The following GRIK4 variants were observed in gnomAD, a reference collection of about 807,000 sequenced individuals.
GRIK4 encodes the protein glutamate receptor ionotropic, kainate 4.
GRIK4 carries 40 observed loss-of-function variants against 104.9 expected under a neutral mutation model. The observed-to-expected ratio is 0.38, with a 90% CI of 0.30 to 0.50. The LOEUF (loss-of-function observed/expected upper bound fraction) is 0.50, where lower values mean the gene tolerates loss of function less well. Among genes scored for constraint, GRIK4 ranks in the 20% least tolerant of loss-of-function variants. The pLI is 0.93. For missense variants in GRIK4, 1,047 were observed against 1,308.1 expected, an observed-to-expected ratio of 0.80 and a Z score of 3.08; for synonymous variants, 485 against 524.9, an observed-to-expected ratio of 0.92 and a Z score of 1.04.
Position 120,967,667 on chromosome 11 carries a change from G to A in GRIK4, c.2395+344G>A, listed in dbSNP as rs192253902. On this transcript the variant is annotated intron_variant, in intron 19 of 20. Coordinates refer to ENST00000527524, the MANE Select transcript of GRIK4 (RefSeq NM_014619.5). The surrounding 1 kb of genome is among the most constrained non-coding windows in gnomAD (Gnocchi z 4.2). ...CCTGGTTTCAGTTTCCCATTCTTGC[G>A]TCTCTACAGTATATTCTCCGCTACT... is the stretch of plus-strand genomic sequence containing the variant. 1.2e-3 allele frequency among the ~76,000 whole-genome samples: 184 copies of A among 152,220 alleles called. No homozygotes were observed. Among genetic ancestry groups the A allele is most frequent in the African/African-American group, 4.0e-3 (168 of 41,528 alleles).
At chr11:120,558,507 G>A (rs1249114601) in intron 1 of GRIK4, among the ~76,000 whole-genome samples, 3 of 152,206 alleles carry the variant, frequency 2.0e-5, no homozygotes, top group African/African-American at 7.2e-5. Context: ...AGAATCGCTT[G>A]AACCCAGGAT....
chr11:120,845,893 G>T (rs1953840559), intron 8 of GRIK4, among the ~76,000 whole-genome samples: 1 of 152,206 alleles, frequency 6.6e-6, no homozygotes. Flanking sequence ...AAAGCTCCTT[G>T]TGTGTCAGTC....
At chr11:120,636,009 G>A (rs1949392450) in intron 1 of GRIK4, among the ~76,000 whole-genome samples, 1 of 152,210 alleles carries the variant, frequency 6.6e-6, no homozygotes, top group South Asian at 2.1e-4. Flanking sequence ...AACTCTGTGA[G>A]CGTGGACTTC....
At chr11:120,583,024 T>G (rs1356343000) in intron 1 of GRIK4, among the ~76,000 whole-genome samples, 3 of 152,232 alleles carry the variant, frequency 2.0e-5, no homozygotes, top group African/African-American at 7.2e-5. Flanking sequence ...CATCTGTTAT[T>G]TTTTTACTTT....
intron 6 of GRIK4, among the ~76,000 whole-genome samples, chr11:120,820,361 A>G (rs1953084217): frequency 6.6e-6 from 1 of 152,216 alleles, no homozygotes; most frequent in Admixed American, 6.5e-5. Flanking sequence ...TTTGTACTTG[A>G]TGGGTTGAAG....
intron 1 of GRIK4, among the ~76,000 whole-genome samples, chr11:120,548,852 A>C (rs573160648): frequency 6.6e-6 from 1 of 152,302 alleles, no homozygotes; most frequent in South Asian, 2.1e-4. Context: ...CCGAATCTGC[A>C]GGGTAGAGAG....
At chr11:120,831,427 A>G (rs1448234816) in intron 6 of GRIK4, among the ~76,000 whole-genome samples, 1 of 152,186 alleles carries the variant, frequency 6.6e-6, no homozygotes, top group Non-Finnish European at 1.5e-5. Context: ...GAGGAAACTG[A>G]GGCCAAGACA....
At chr11:120,616,648 G>T (rs1244086628) in intron 1 of GRIK4, among the ~76,000 whole-genome samples, 1 of 152,226 alleles carries the variant, frequency 6.6e-6, no homozygotes, top group Non-Finnish European at 1.5e-5. Flanking sequence ...AGATGGTCAT[G>T]CACAAGGCAC....
chr11:120,709,068 C>T (rs983401030), intron 3 of GRIK4, among the ~76,000 whole-genome samples: 5 of 152,072 alleles, frequency 3.3e-5, no homozygotes, highest in Non-Finnish European at 5.9e-5. Flanking sequence ...GTCAGGAGTC[C>T]GGAGTCCTTT....
chr11:120,943,249 G>T (rs1943773144), intron 14 of GRIK4, among the ~76,000 whole-genome samples: 1 of 151,894 alleles, frequency 6.6e-6, no homozygotes, highest in Admixed American at 6.6e-5. Context: ...GATAACAGGG[G>T]GCCAAGCAAG....
chr11:120,652,713 A>T (rs1310360869), intron 1 of GRIK4, among the ~76,000 whole-genome samples: 2 of 151,774 alleles, frequency 1.3e-5, no homozygotes, highest in Non-Finnish European at 2.9e-5. Flanking sequence ...GATCCCCTCT[A>T]CCCTTCCTGC....
At chr11:120,647,892 G>A (rs933720487) in intron 1 of GRIK4, among the ~76,000 whole-genome samples, 7 of 152,234 alleles carry the variant, frequency 4.6e-5, no homozygotes, top group South Asian at 4.1e-4. Flanking sequence ...CCCGGTGGCC[G>A]CCAGTGCCCA....
At chr11:120,520,284 C>T (rs1231790323) in intron 1 of GRIK4, among the ~76,000 whole-genome samples, 1 of 152,240 alleles carries the variant, frequency 6.6e-6, no homozygotes, top group Non-Finnish European at 1.5e-5. Flanking sequence ...AAGCCCCAGT[C>T]CCAGCCCGTC....
At chr11:120,862,361 C>A in intron 9 of GRIK4, 1 of 414,724 alleles carries the variant, frequency 2.4e-6, no homozygotes, top group Non-Finnish European at 4.3e-6. Context: ...TTAGTGATGG[C>A]TGCAAGTCCC....
At chr11:120,615,868 C>G (rs760015372) in intron 1 of GRIK4, among the ~76,000 whole-genome samples, 1 of 151,904 alleles carries the variant, frequency 6.6e-6, no homozygotes, top group Non-Finnish European at 1.5e-5. Context: ...CCCTACTTCT[C>G]TTCTCTGGGC....
intron 14 of GRIK4, among the ~76,000 whole-genome samples, chr11:120,946,027 T>C (rs1208869700): frequency 6.6e-6 from 1 of 152,244 alleles, no homozygotes; most frequent in Non-Finnish European, 1.5e-5. Context: ...TAGTATTTGG[T>C]ATAGCAGTAT....
chr11:120,647,244 G>A (rs2135211198), intron 1 of GRIK4, among the ~76,000 whole-genome samples: 1 of 152,284 alleles, frequency 6.6e-6, no homozygotes, highest in African/African-American at 2.4e-5. Context: ...GAAAATGTCT[G>A]TGCTCTGATG....
chr11:120,653,395 G>C (rs1949648696), intron 1 of GRIK4, among the ~76,000 whole-genome samples: 1 of 152,220 alleles, frequency 6.6e-6, no homozygotes, highest in African/African-American at 2.4e-5. Context: ...TCCTGGGCAG[G>C]TAAATGGTTA....
intron 11 of GRIK4, among the ~76,000 whole-genome samples, chr11:120,890,682 A>G (rs550780028): frequency 1.3e-5 from 2 of 152,372 alleles, no homozygotes; most frequent in Admixed American, 6.5e-5. Context: ...GAAAGTGCCT[A>G]CATTAAGCAT....
Sources: gnomAD v4.1 joint callset for allele counts (sites outside exome capture counted in the v4.1 genomes callset) on GRCh38, gnomAD v4.1.1 for gene constraint, Gnocchi (gnomAD v3.1) non-coding constraint, MANE v1.5 for transcripts, NCBI Gene and HGNC (gene_info 2026-07-23, HGNC 2026-07-21) for gene names.